HIGD1C: variants seen among roughly 807,000 people sequenced by gnomAD.
HIGD1C encodes the protein HIG1 hypoxia inducible domain family member 1C.
A neutral mutation model predicts 13.1 loss-of-function variants in HIGD1C; 11 were observed. The ratio of observed to expected loss-of-function variants is 0.84; its 90% CI spans 0.53 to 1.39. The LOEUF is 1.39. Among genes scored for constraint, HIGD1C ranks in the 40% most tolerant of loss-of-function variants. The probability of loss-of-function intolerance (pLI) is 0.00; values close to 1 mark genes in which losing one functional copy is unlikely to be tolerated. For missense variants in HIGD1C, 110 were observed against 112.0 expected (o/e 0.98, Z 0.08); for synonymous variants, 36 against 37.7 (o/e 0.95, Z 0.17).
intron 2 of HIGD1C, among the ~76,000 whole-genome samples, chr12:50,962,487 G>A (rs1000389699): frequency 6.6e-6 from 1 of 151,896 alleles, no homozygotes; most frequent in Non-Finnish European, 1.5e-5. Context: ...ATCACTTAGG[G>A]TCAGGAGTTC....
chr12:50,956,223 C>T (rs373814535), intron 1 of HIGD1C, among the ~76,000 whole-genome samples: 7 of 152,262 alleles, frequency 4.6e-5, no homozygotes, highest in African/African-American at 1.7e-4. Context: ...GAAACCCTGT[C>T]TCTACTAAAA....
the HIGD1C span, among the ~76,000 whole-genome samples, chr12:50,937,894 G>T: frequency 1.3e-5 from 2 of 152,190 alleles, no homozygotes; most frequent in Admixed American, 1.3e-4. Flanking sequence ...AATGGAGGAA[G>T]TGCATGCTGA....
At chr12:50,960,978 C>T (rs1939304298) in exon 2 of HIGD1C, 4 of 1,589,810 alleles carry the variant, frequency 2.5e-6, no homozygotes, top group Admixed American at 1.8e-5. Context: ...GTATAGCAGG[C>T]TTTGTGACTG....
chr12:50,937,151 T>C, the HIGD1C span, among the ~76,000 whole-genome samples: 4 of 152,352 alleles, frequency 2.6e-5, no homozygotes, highest in East Asian at 3.9e-4. Flanking sequence ...TTGGTGCTGC[T>C]TTGCCAGACG....
the HIGD1C span, among the ~76,000 whole-genome samples, chr12:50,948,861 G>A: frequency 3.4e-5 from 1 of 29,246 alleles, no homozygotes. Flanking sequence ...ACAGAGCGAG[G>A]AGGAGGGGGG....
At chr12:50,952,231 G>A (rs1385676776), upstream of HIGD1C, among the ~76,000 whole-genome samples, 1 of 151,674 alleles carries the variant, frequency 6.6e-6, no homozygotes, top group African/African-American at 2.4e-5. Context: ...AAAAGTATAT[G>A]GAAGAAAAGG....
the HIGD1C span, among the ~76,000 whole-genome samples, chr12:50,939,358 G>T: frequency 6.6e-6 from 1 of 152,168 alleles, no homozygotes; most frequent in Non-Finnish European, 1.5e-5. Context: ...ATGTTAGCCA[G>T]GCTGGTCTCC....
intron 1 of HIGD1C, among the ~76,000 whole-genome samples, chr12:50,959,724 T>C (rs144213825): frequency 0.016 from 2,422 of 152,276 alleles, 34 homozygotes; most frequent in Middle Eastern, 0.034. Flanking sequence ...CTCAGCTCAC[T>C]GCAACCTCCA....
chr12:50,967,733 G>A (rs1939593988), intron 2 of HIGD1C, among the ~76,000 whole-genome samples: 1 of 152,282 alleles, frequency 6.6e-6, no homozygotes, highest in South Asian at 2.1e-4. Flanking sequence ...AACCTATCAT[G>A]CTGGTTCTGT....
At chr12:50,957,940 GTGTGTGTGTGTGTGTGT>G (rs1939168355) in intron 1 of HIGD1C, among the ~76,000 whole-genome samples, 1 of 64,866 alleles carries the variant, frequency 1.5e-5, no homozygotes, top group African/African-American at 9.8e-5. Flanking sequence ...AATTGGAGGT[GTGTGTGTGTGTGTGTGT>G]GTGTGTGTGT....
intron 2 of HIGD1C, 77 bp from the exon 5 acceptor site, chr12:50,970,365 A>C (rs1939717963): frequency 1.2e-6 from 1 of 805,070 alleles, no homozygotes; most frequent in Admixed American, 2.3e-5. Flanking sequence ...CTAGTTTCAT[A>C]AAAATACAAC....
intron 2 of HIGD1C, among the ~76,000 whole-genome samples, chr12:50,961,777 C>T (rs1939337723): frequency 6.6e-6 from 1 of 152,156 alleles, no homozygotes; most frequent in South Asian, 2.1e-4. Flanking sequence ...CTTAAGTCCC[C>T]TTCATGACGT....
At chr12:50,950,467 G>C (rs184593487), upstream of HIGD1C, among the ~76,000 whole-genome samples, 45 of 152,168 alleles carry the variant, frequency 3.0e-4, no homozygotes, top group African/African-American at 1.1e-3. Context: ...AAATAGAGAA[G>C]AAAGAAAAGC....
chr12:50,968,818 A>C (rs1472789146), intron 2 of HIGD1C, among the ~76,000 whole-genome samples: 1 of 151,940 alleles, frequency 6.6e-6, no homozygotes, highest in Non-Finnish European at 1.5e-5. Context: ...CTGGGATTAC[A>C]GGCATGAGCC....
At chr12:50,965,005 G>A (rs567227269) in intron 2 of HIGD1C, among the ~76,000 whole-genome samples, 7 of 152,088 alleles carry the variant, frequency 4.6e-5, no homozygotes, top group African/African-American at 1.4e-4. Flanking sequence ...TTACAGGCAC[G>A]ACCCATTGCA....
At chr12:50,970,353 G>A (rs906490870) in intron 2 of HIGD1C, 89 bp from the exon 5 acceptor site, 12 of 743,774 alleles carry the variant, frequency 1.6e-5, no homozygotes, top group African/African-American at 1.2e-4. Context: ...TTAAATTGTG[G>A]GCTAGTTTCA....
chr12:50,971,988 G>A (rs1259936258), downstream of HIGD1C, among the ~76,000 whole-genome samples: 3 of 152,210 alleles, frequency 2.0e-5, no homozygotes, highest in Admixed American at 6.5e-5. Context: ...CTACCAACAA[G>A]TACATATTTT....
chr12:50,969,772 G>A (rs1173522353), intron 2 of HIGD1C, among the ~76,000 whole-genome samples: 1 of 151,964 alleles, frequency 6.6e-6, no homozygotes, highest in African/African-American at 2.4e-5. Flanking sequence ...ACTCAGAAGA[G>A]GGATCTAATT....
chr12:50,936,042 C>G, the HIGD1C span, among the ~76,000 whole-genome samples: 3 of 151,926 alleles, frequency 2.0e-5, no homozygotes, highest in East Asian at 5.8e-4. Context: ...ACCTGTAATC[C>G]CAGCTACTTG....
Sources: gnomAD v4.1 joint callset for allele counts (sites outside exome capture counted in the v4.1 genomes callset) on GRCh38, gnomAD v4.1.1 for gene constraint, MANE v1.5 for transcripts, NCBI Gene and HGNC (gene_info 2026-07-23, HGNC 2026-07-21) for gene names.